AMMECR1: variants seen among roughly 807,000 people sequenced by gnomAD.
The protein encoded by AMMECR1 is nuclear protein AMMECR1.
In AMMECR1, 3 loss-of-function variants were observed where a neutral mutation model predicts 22.5. The ratio of observed to expected loss-of-function variants is 0.13; its 90% confidence interval spans 0.06 to 0.35. The LOEUF (loss-of-function observed/expected upper bound fraction) is 0.35, where lower values mean the gene tolerates loss of function less well. Among genes scored for constraint, AMMECR1 ranks in the 10% least tolerant of loss-of-function variants. The probability of loss-of-function intolerance (pLI) is 1.00; values close to 1 mark genes in which losing one functional copy is unlikely to be tolerated. For synonymous variants in AMMECR1, 130 were observed against 116.7 expected, an observed-to-expected ratio of 1.11 and a Z score of -0.74; for missense variants, 235 against 278.7, an observed-to-expected ratio of 0.84 and a Z score of 1.12.
At chrX:110,432,288 G>C (rs763967252) in intron 1 of AMMECR1, among the ~76,000 whole-genome samples, 1 of 112,225 alleles carries the variant, frequency 8.9e-6, no homozygotes, top group Non-Finnish European at 1.9e-5. Flanking sequence ...GCAAGACGGG[G>C]AGCCACATGG....
At chrX:110,362,357 G>A (rs2068269605) in intron 2 of AMMECR1, among the ~76,000 whole-genome samples, 1 of 111,749 alleles carries the variant, frequency 8.9e-6, no homozygotes, top group African/African-American at 3.3e-5. Context: ...GTTGTCATTT[G>A]TCTATTTAAC....
chrX:110,350,814 T>G lies in AMMECR1; in HGVS notation c.-147-32965A>C, dbSNP rs1023820272. Among the ~76,000 whole-genome samples the G allele has an allele frequency of 2.8e-5, 3 of 107,843 alleles. No homozygotes were observed. The East Asian group carries it at 8.8e-4, about 32-fold the overall frequency. 93.6% of individuals were successfully genotyped at this position (107,843 alleles called of 115,157 possible). The stretch of plus-strand genomic sequence containing the variant: ...AGACCCCCGTCTCTACAAATAATAA[T>G]AAAAAAAATTAGCTGGGCATGGTGG... On this transcript the variant is annotated intron_variant, in intron 2 of 7. Coordinates refer to the AMMECR1 transcript ENST00000372057.
intron 2 of AMMECR1, among the ~76,000 whole-genome samples, chrX:110,414,947 A>C (rs2068666648): frequency 8.9e-6 from 1 of 111,994 alleles, no homozygotes; most frequent in Non-Finnish European, 1.9e-5. Context: ...CTTTCTTCTG[A>C]AGAAAGAAGA....
chrX:110,427,863 ACAT>A (rs1281703891), intron 1 of AMMECR1, among the ~76,000 whole-genome samples: 1 of 111,978 alleles, frequency 8.9e-6, no homozygotes, highest in Non-Finnish European at 1.9e-5. Context: ...GCATTTGCAC[ACAT>A]CATTCCCACT....
chrX:110,401,993 C>CTCTT lies in AMMECR1; in HGVS notation c.-148+24661_-148+24664dup, dbSNP rs1190296819. On this transcript the variant is annotated intron_variant, in intron 2 of 7. Coordinates refer to the AMMECR1 transcript ENST00000372057. ...TCTTTTCCTCTTCTCACCAACAAGT[C>CTCTT]TCTTTCTTCAAAGTCTCCCTTTCCT... Among the ~76,000 whole-genome samples the CTCTT allele has an allele frequency of 7.1e-5, 8 of 112,511 alleles. No homozygotes were observed. In the East Asian group the frequency reaches 2.2e-3, roughly 31 times the overall value.
chrX:110,226,816 T>C (rs1410507566), intron 2 of AMMECR1, among the ~76,000 whole-genome samples: 1 of 112,051 alleles, frequency 8.9e-6, no homozygotes, highest in Admixed American at 9.4e-5. Flanking sequence ...AAGTATTAAG[T>C]ATAAATGTGA....
At chrX:110,419,566 T>C (rs1216507883) in intron 2 of AMMECR1, among the ~76,000 whole-genome samples, 1 of 112,801 alleles carries the variant, frequency 8.9e-6, no homozygotes, top group East Asian at 2.8e-4. Flanking sequence ...AGGGACCTTG[T>C]CTGTGTCACT....
intron 1 of AMMECR1, chrX:110,309,430 T>G (rs1169500460): frequency 8.9e-6 from 1 of 112,094 alleles, no homozygotes; most frequent in Non-Finnish European, 1.9e-5. Flanking sequence ...ATCTCACTAC[T>G]TTCTATTACT....
Position 110,412,970 on chromosome X carries a change from AGG to A in AMMECR1, c.-148+13686_-148+13687del, listed in dbSNP as rs200866805. Among the ~76,000 whole-genome samples the A allele has an allele frequency of 6.3e-5, 7 of 111,871 alleles. No homozygotes were observed. In the Admixed American group the frequency reaches 6.6e-4, roughly 10 times the overall value. On this transcript the variant is annotated intron_variant, in intron 2 of 7. Coordinates refer to the AMMECR1 transcript ENST00000372057. Reference sequence around the variant, plus strand: ...CTTTTATAATAAACAAAAGATGTAAAGGGAAAAAAAAGCTCCGTTTGGAATTC... The same window carrying A: ...CTTTTATAATAAACAAAAGATGTAAAGAAAAAAAAGCTCCGTTTGGAATTC...
intron 1 of AMMECR1, among the ~76,000 whole-genome samples, chrX:110,275,826 G>A (rs372269068): frequency 4.6e-4 from 51 of 110,942 alleles, no homozygotes; most frequent in African/African-American, 2.3e-4. Flanking sequence ...GTGAAACTCC[G>A]TCTCAAAAAT....
At chrX:110,333,524 G>A (rs1348671593) in intron 2 of AMMECR1, among the ~76,000 whole-genome samples, 2 of 111,642 alleles carry the variant, frequency 1.8e-5, no homozygotes, top group East Asian at 2.8e-4. Flanking sequence ...ACATGCACAC[G>A]TATGTTTGTT....
rs185801338 is a variant in AMMECR1, at chrX:110,360,331, C to G, written c.-147-42482G>C. ...GGGCTTTTGAATTTTATTCTGTGGA[C>G]CTACAGAATAGGTAGGCAAAATATG... is the stretch of plus-strand genomic sequence containing the variant. On this transcript the variant is annotated intron_variant, in intron 2 of 7. Transcript: ENST00000372057. Among the ~76,000 whole-genome samples, 19 of 111,457 alleles carry G rather than the reference C, an allele frequency of 1.7e-4. No homozygotes were observed. In the East Asian group the frequency reaches 5.4e-3, roughly 32 times the overall value.
At chrX:110,225,734 G>A (rs761646680) in intron 2 of AMMECR1, among the ~76,000 whole-genome samples, 5 of 112,084 alleles carry the variant, frequency 4.5e-5, no homozygotes, top group African/African-American at 1.6e-4. Context: ...CTGGATTTGG[G>A]ATGCTCAACC....
intron 2 of AMMECR1, among the ~76,000 whole-genome samples, chrX:110,235,580 T>C (rs758022971): frequency 1.5e-4 from 17 of 112,405 alleles, no homozygotes; most frequent in African/African-American, 5.5e-4. Flanking sequence ...CCATCACTGA[T>C]AGACTGGATT....
intron 2 of AMMECR1, among the ~76,000 whole-genome samples, chrX:110,232,698 G>A (rs1318177058): frequency 7.3e-5 from 8 of 108,993 alleles, no homozygotes; most frequent in Middle Eastern, 4.7e-3. Context: ...AGACCATCCC[G>A]GCTAACACGG....
rs764052149 is a variant in AMMECR1, at chrX:110,198,442, T to C, written c.*78A>G. 3 of 587,995 alleles carry C rather than the reference T, an allele frequency of 5.1e-6. No homozygotes were observed. The highest frequency in any genetic ancestry group is 7.7e-6 in the Non-Finnish European group (3 of 388,081). 48.5% of individuals were successfully genotyped at this position (587,995 alleles called of 1,213,427 possible). A position where few individuals can be genotyped will look rare whatever the true frequency, so the allele number is the denominator to read the frequency against. ...TCATAAAATGGTACAGTAAAAGAGATAGCTAGACCAAGAAGGTGTAGGGTC... is the reference window on the plus strand; with the variant it reads ...TCATAAAATGGTACAGTAAAAGAGACAGCTAGACCAAGAAGGTGTAGGGTC... On this transcript the variant is annotated 3_prime_UTR_variant, in exon 6 of 6. Coordinates refer to ENST00000262844, the MANE Select transcript of AMMECR1 (RefSeq NM_015365.3).
intron 1 of AMMECR1, among the ~76,000 whole-genome samples, chrX:110,315,107 T>C (rs1487931001): frequency 8.9e-6 from 1 of 112,272 alleles, no homozygotes; most frequent in Non-Finnish European, 1.9e-5. Flanking sequence ...TTATGTCTTA[T>C]GGCACTTAGG....
intron 2 of AMMECR1, among the ~76,000 whole-genome samples, chrX:110,352,667 A>C (rs1237546650): frequency 2.7e-5 from 3 of 111,528 alleles, no homozygotes; most frequent in East Asian, 5.6e-4. Flanking sequence ...TATACTAAAA[A>C]CCATTTAATT....
chrX:110,422,534 A>G (rs1484476243), intron 2 of AMMECR1, among the ~76,000 whole-genome samples: 1 of 112,968 alleles, frequency 8.9e-6, no homozygotes. Context: ...CACACCCATG[A>G]CTGCAATGCC....
Sources: allele counts gnomAD v4.1 joint callset (sites outside exome capture counted in the v4.1 genomes callset), GRCh38; gene constraint gnomAD v4.1.1; transcripts MANE v1.5; gene names NCBI Gene and HGNC (gene_info 2026-07-23, HGNC 2026-07-21).